SNTG2: variants seen among roughly 807,000 people sequenced by gnomAD.
The protein encoded by SNTG2 is gamma-2-syntrophin.
SNTG2 carries 74 observed loss-of-function variants against 70.9 expected under a neutral mutation model. That is an observed-to-expected ratio of 1.04 (90% CI 0.86 to 1.27). The LOEUF is 1.27. Ranked by LOEUF, SNTG2 falls within the 50% of genes most tolerant of loss-of-function variation. The probability of loss-of-function intolerance (pLI) is 0.00; values close to 1 mark genes in which losing one functional copy is unlikely to be tolerated. For synonymous variants in SNTG2, 278 were observed against 273.8 expected, an observed-to-expected ratio of 1.02 and a Z score of -0.15; for missense variants, 717 against 690.7, an observed-to-expected ratio of 1.04 and a Z score of -0.43.
chr2:1,277,544 A>C (rs1679318640), intron 14 of SNTG2, among the ~76,000 whole-genome samples: 1 of 152,190 alleles, frequency 6.6e-6, no homozygotes, highest in Non-Finnish European at 1.5e-5. Context: ...CCCAATTTTT[A>C]TATGCACCCA....
chr2:1,035,320 A>G (rs1198827970), intron 1 of SNTG2, among the ~76,000 whole-genome samples: 3 of 152,212 alleles, frequency 2.0e-5, no homozygotes, highest in Non-Finnish European at 4.4e-5. Flanking sequence ...TGTGACAGGC[A>G]GGCAGAGTCT....
intron 7 of SNTG2, among the ~76,000 whole-genome samples, chr2:1,170,720 C>G (rs750104810): frequency 6.6e-6 from 1 of 152,080 alleles, no homozygotes; most frequent in Non-Finnish European, 1.5e-5. Flanking sequence ...ATGTACATAC[C>G]CTTTGTATGG....
chr2:1,008,290 T>G (rs2147994751), intron 1 of SNTG2, among the ~76,000 whole-genome samples: 1 of 152,384 alleles, frequency 6.6e-6, no homozygotes, highest in Middle Eastern at 3.4e-3. Flanking sequence ...CACTCACCAT[T>G]TATAAGCAGA....
intron 14 of SNTG2, among the ~76,000 whole-genome samples, chr2:1,270,185 G>C (rs1253107913): frequency 1.3e-5 from 2 of 152,134 alleles, no homozygotes; most frequent in Admixed American, 6.5e-5. Context: ...GTAGTGACCT[G>C]ACTCCTATCA....
intron 12 of SNTG2, among the ~76,000 whole-genome samples, chr2:1,254,380 GA>G (rs762300632): frequency 3.1e-4 from 47 of 152,162 alleles, no homozygotes; most frequent in Non-Finnish European, 5.4e-4. Flanking sequence ...ATTAGAATCT[GA>G]AAGATGTTTC....
chr2:1,261,097 T>A (rs1678391224), intron 13 of SNTG2, among the ~76,000 whole-genome samples: 1 of 151,984 alleles, frequency 6.6e-6, no homozygotes, highest in African/African-American at 2.4e-5. Flanking sequence ...AAAAATGGGG[T>A]AAATAATAAT....
chr2:970,838 C>T (rs960066295), intron 1 of SNTG2, among the ~76,000 whole-genome samples: 4 of 152,048 alleles, frequency 2.6e-5, no homozygotes, highest in African/African-American at 7.3e-5. Flanking sequence ...CCTGAGGAAT[C>T]GCCATGAACA....
intron 1 of SNTG2, among the ~76,000 whole-genome samples, chr2:1,073,549 C>A (rs908471366): frequency 2.0e-5 from 3 of 152,108 alleles, no homozygotes; most frequent in African/African-American, 7.2e-5. Context: ...CACTGGGAAA[C>A]CAAAAAACTG....
chr2:1,358,662 A>G (rs1268681338), intron 16 of SNTG2, among the ~76,000 whole-genome samples: 1 of 151,504 alleles, frequency 6.6e-6, no homozygotes, highest in Non-Finnish European at 1.5e-5. Context: ...GCTTTTTCCA[A>G]TTTTCCTTCT....
chr2:1,078,343 G>T (rs773259462), intron 1 of SNTG2, among the ~76,000 whole-genome samples: 8 of 152,230 alleles, frequency 5.3e-5, no homozygotes, highest in African/African-American at 1.4e-4. Context: ...GAGCAGTGGG[G>T]ATGGCGGAGT....
At chr2:1,113,727 C>G (rs1221189945) in intron 4 of SNTG2, among the ~76,000 whole-genome samples, 1 of 143,970 alleles carries the variant, frequency 6.9e-6, no homozygotes, top group East Asian at 2.2e-4. Context: ...AGGATTAACC[C>G]TTATAGTCCT....
intron 1 of SNTG2, among the ~76,000 whole-genome samples, chr2:960,366 C>G (rs984834299): frequency 2.6e-5 from 4 of 152,212 alleles, no homozygotes; most frequent in African/African-American, 9.7e-5. Context: ...TTGTTCTCTC[C>G]TTTGTTGGGA....
At chr2:1,114,414 T>C (rs1389361258) in intron 4 of SNTG2, among the ~76,000 whole-genome samples, 1 of 151,948 alleles carries the variant, frequency 6.6e-6, no homozygotes, top group Non-Finnish European at 1.5e-5. Context: ...GAATCATGTG[T>C]ACTAAGTGAG....
At chr2:1,155,189 T>C (rs567632949) in intron 6 of SNTG2, among the ~76,000 whole-genome samples, 1,955 of 43,724 alleles carry the variant, frequency 0.045, 39 homozygotes, top group African/African-American at 0.17. Context: ...CACACACATA[T>C]ATAGACCACA....
intron 1 of SNTG2, among the ~76,000 whole-genome samples, chr2:1,015,590 G>T (rs942027466): frequency 6.6e-6 from 1 of 152,220 alleles, no homozygotes; most frequent in Non-Finnish European, 1.5e-5. Context: ...CGTGGATGAT[G>T]TCCAAGTTCA....
chr2:1,193,378 AT>A (rs1672718656), intron 8 of SNTG2, among the ~76,000 whole-genome samples: 1 of 152,154 alleles, frequency 6.6e-6, no homozygotes, highest in African/African-American at 2.4e-5. Flanking sequence ...GATGAAAAGG[AT>A]TGGAAAGCGT....
intron 16 of SNTG2, among the ~76,000 whole-genome samples, chr2:1,360,233 C>T (rs1421647503): frequency 6.6e-6 from 1 of 152,174 alleles, no homozygotes; most frequent in Non-Finnish European, 1.5e-5. Context: ...CTCCTGCAGC[C>T]TCTGGGGGAC....
intron 1 of SNTG2, among the ~76,000 whole-genome samples, chr2:953,893 G>A (rs1257357734): frequency 1.3e-5 from 2 of 151,946 alleles, no homozygotes; most frequent in African/African-American, 2.4e-5. Flanking sequence ...AGGCATTTAA[G>A]CTTCAGTTTT....
intron 1 of SNTG2, among the ~76,000 whole-genome samples, chr2:987,519 C>T (rs1249714959): frequency 6.6e-6 from 1 of 151,834 alleles, no homozygotes; most frequent in Non-Finnish European, 1.5e-5. Flanking sequence ...GAGAGGTTCG[C>T]GGTTAAGTGC....
Sources: allele counts gnomAD v4.1 joint callset (sites outside exome capture counted in the v4.1 genomes callset), GRCh38; gene constraint gnomAD v4.1.1; transcripts MANE v1.5; gene names NCBI Gene and HGNC (gene_info 2026-07-23, HGNC 2026-07-21).